Variants in SLC2A12 observed in about 807,000 individuals in gnomAD.
The protein encoded by SLC2A12 is solute carrier family 2 member 12.
Under a neutral mutation model 41.8 loss-of-function variants are expected in SLC2A12, and 23 were observed. The observed-to-expected ratio is 0.55, with a 90% CI of 0.40 to 0.78. The LOEUF (loss-of-function observed/expected upper bound fraction) is 0.78. SLC2A12 is among the 30% of genes least tolerant of loss of function. The pLI is 0.00. For missense variants in SLC2A12, 654 were observed against 745.6 expected (o/e 0.88, Z 1.43); for synonymous variants, 295 against 285.9 (o/e 1.03, Z -0.32).
chr6:134,014,476 A>C (rs980606458), intron 2 of SLC2A12, among the ~76,000 whole-genome samples: 2 of 152,256 alleles, frequency 1.3e-5, no homozygotes, highest in Non-Finnish European at 2.9e-5. Context: ...AAGGAGCTGC[A>C]AGAAATTAGT....
intron 4 of SLC2A12, among the ~76,000 whole-genome samples, chr6:133,996,692 A>G (rs1776691434): frequency 6.6e-6 from 1 of 152,146 alleles, no homozygotes; most frequent in Admixed American, 6.5e-5. Flanking sequence ...TTGTAAATTC[A>G]TGAAGGCTCT....
chr6:134,006,673 G>A, intron 3 of SLC2A12, 139 bp downstream of exon 3: 1 of 1,044,278 alleles, frequency 9.6e-7, no homozygotes, highest in Non-Finnish European at 1.4e-6. Context: ...TTGGGTCATG[G>A]GTACTTCAGG....
chr6:134,012,758 A>G (rs971607187), intron 2 of SLC2A12, among the ~76,000 whole-genome samples: 4 of 152,192 alleles, frequency 2.6e-5, no homozygotes, highest in Non-Finnish European at 5.9e-5. Context: ...CCTTGAGGCC[A>G]GAAGTTTGGG....
At chr6:134,026,173 C>A (rs75395918) in intron 2 of SLC2A12, among the ~76,000 whole-genome samples, 3,708 of 152,186 alleles carry the variant, frequency 0.024, 131 homozygotes, top group East Asian at 0.13. Flanking sequence ...TTCTTAGACT[C>A]TTAGCTAATC....
At chr6:134,034,489 T>C (rs1777265579) in intron 1 of SLC2A12, among the ~76,000 whole-genome samples, 1 of 152,200 alleles carries the variant, frequency 6.6e-6, no homozygotes, top group African/African-American at 2.4e-5. Context: ...CTCTGATACT[T>C]CAAGACTTCC....
chr6:134,051,356 G>C (rs1466708481), intron 1 of SLC2A12, among the ~76,000 whole-genome samples: 1 of 152,190 alleles, frequency 6.6e-6, no homozygotes, highest in Non-Finnish European at 1.5e-5. Context: ...CCCAAGATCA[G>C]ACAAACCCAC....
chr6:134,006,663 T>C (rs1776819809), intron 3 of SLC2A12, 149 bp downstream of exon 3: 2 of 943,048 alleles, frequency 2.1e-6, no homozygotes, highest in Non-Finnish European at 3.1e-6. Flanking sequence ...AAACTGTAAA[T>C]TGGGTCATGG....
chr6:134,032,447 T>A lies in SLC2A12; in HGVS notation c.104-2726A>T, dbSNP rs865839167. ...ATATTTATATATATATATATATATA[T>A]AAATATATATATATATATTTTTATA... On this transcript the variant is annotated intron_variant, in intron 1 of 4. Transcript: ENST00000275230. Among the ~76,000 whole-genome samples, 171 of 33,462 alleles carry A rather than the reference T, an allele frequency of 5.1e-3. 3 individuals are homozygous for A. Among genetic ancestry groups the A allele is most frequent in the African/African-American group, 0.015 (119 of 7,998 alleles). The allele number at this position is 33,462 out of a possible 152,430, so 22.0% of individuals were successfully genotyped here. A position where few individuals can be genotyped will look rare whatever the true frequency, so the allele number is the denominator to read the frequency against.
At chr6:134,032,429 TATATATATATATATATATAA>T (rs1411631717) in intron 1 of SLC2A12, among the ~76,000 whole-genome samples, 2 of 28,900 alleles carry the variant, frequency 6.9e-5, no homozygotes, top group Admixed American at 3.9e-4. Flanking sequence ...TATATATTTA[TATATATATATATATATATAA>T]ATATATATAT....
intron 1 of SLC2A12, among the ~76,000 whole-genome samples, chr6:134,036,515 G>T (rs966327565): frequency 1.3e-5 from 2 of 152,210 alleles, no homozygotes; most frequent in Non-Finnish European, 2.9e-5. Context: ...TGATTGACCT[G>T]TGTGTCTTCA....
intron 4 of SLC2A12, among the ~76,000 whole-genome samples, chr6:134,001,215 G>C (rs958769796): frequency 6.6e-6 from 1 of 152,128 alleles, no homozygotes; most frequent in Non-Finnish European, 1.5e-5. Flanking sequence ...AATGTATACT[G>C]CTCCGGTGAT....
At chr6:134,021,426 A>G (rs1375429147) in intron 2 of SLC2A12, among the ~76,000 whole-genome samples, 2 of 152,240 alleles carry the variant, frequency 1.3e-5, no homozygotes, top group Non-Finnish European at 2.9e-5. Flanking sequence ...CTTACAGTCT[A>G]TAACTACATT....
intron 1 of SLC2A12, among the ~76,000 whole-genome samples, chr6:134,051,148 A>G (rs1773678145): frequency 6.6e-6 from 1 of 151,380 alleles, no homozygotes. Flanking sequence ...CTTGTCTTGA[A>G]CTCCTGGCCT....
At chr6:133,994,819 C>T (rs1233787718) in intron 4 of SLC2A12, among the ~76,000 whole-genome samples, 1 of 152,140 alleles carries the variant, frequency 6.6e-6, no homozygotes, top group African/African-American at 2.4e-5. Flanking sequence ...GGCACACCAA[C>T]TTTAAGAGAG....
rs1562672052 is a variant in SLC2A12, at chr6:133,990,291, A to G, written c.*864T>C. On this transcript the variant is annotated 3_prime_UTR_variant, in exon 5 of 5. Coordinates refer to ENST00000275230, the MANE Select transcript of SLC2A12 (RefSeq NM_145176.3). ...TATACATTGTCATGAAAGCCTTACAAGGAGGCAGCTTTTCTAGGCTTGACT... is the reference window on the plus strand; with the variant it reads ...TATACATTGTCATGAAAGCCTTACAGGGAGGCAGCTTTTCTAGGCTTGACT... The G allele has an allele frequency of 6.6e-6, 1 of 152,644 alleles. No individual in the cohort carries two copies. Among genetic ancestry groups the G allele is most frequent in the Non-Finnish European group, 1.5e-5 (1 of 68,034 alleles). The allele number at this position is 152,644 out of a possible 1,614,324, so 9.5% of individuals were successfully genotyped here.
Position 134,029,236 on chromosome 6 carries a change from T to C in SLC2A12, c.589A>G (p.Lys197Glu). 1 of 1,614,160 alleles carries C rather than the reference T, an allele frequency of 6.2e-7. No individual in the cohort carries two copies. The highest frequency in any genetic ancestry group is 1.1e-5 in the South Asian group (1 of 91,086). Residue 197 changes from lysine to glutamate, a missense_variant, in exon 2 of 5, where the codon AAG (lysine) becomes GAG (glutamate). Lys to Glu is a moderately conservative substitution (Grantham distance 56). Coordinates refer to ENST00000275230, the MANE Select transcript of SLC2A12 (RefSeq NM_145176.3). Reference protein sequence around the residue: ...YAFANVFHGWKYMFGLVIPLG... With the variant: ...YAFANVFHGWEYMFGLVIPLG... ...GGAATCACAAGACCAAACATGTACT[T>C]CCAGCCATGGAAAACATTGGCAAAT...
At chr6:134,010,281 C>T in intron 2 of SLC2A12, among the ~76,000 whole-genome samples, 1 of 152,170 alleles carries the variant, frequency 6.6e-6, no homozygotes, top group East Asian at 1.9e-4. Flanking sequence ...GGGAGGGCTC[C>T]CTTTCACTAC....
intron 1 of SLC2A12, among the ~76,000 whole-genome samples, chr6:134,046,333 A>C (rs1355701681): frequency 1.3e-5 from 2 of 152,240 alleles, no homozygotes; most frequent in African/African-American, 4.8e-5. Flanking sequence ...ATTAAATTAC[A>C]CTTGCTTTAC....
intron 4 of SLC2A12, among the ~76,000 whole-genome samples, 187 bp from the exon 5 acceptor site, chr6:133,991,495 T>A (rs961013427): frequency 1.3e-5 from 2 of 152,208 alleles, no homozygotes; most frequent in African/African-American, 4.8e-5. Flanking sequence ...GTCAATCTCA[T>A]GCAAGGGGTA....
Sources: gnomAD v4.1 joint callset for allele counts (sites outside exome capture counted in the v4.1 genomes callset) on GRCh38, gnomAD v4.1.1 for gene constraint, MANE v1.5 for transcripts, NCBI Gene and HGNC (gene_info 2026-07-23, HGNC 2026-07-21) for gene names.